Variants in ZNF182 observed in about 807,000 individuals in gnomAD.
The protein encoded by ZNF182 is zinc finger protein 182.
A neutral mutation model predicts 28.1 loss-of-function variants in ZNF182; 10 were observed. That is an observed-to-expected ratio of 0.36 (90% CI 0.22 to 0.60). The LOEUF is 0.60. Among genes scored for constraint, ZNF182 ranks in the 20% least tolerant of loss-of-function variants. The pLI, the probability that ZNF182 is intolerant of heterozygous loss-of-function variation, is 0.75. For synonymous variants in ZNF182, 156 were observed against 158.7 expected (o/e 0.98, Z 0.13); for missense variants, 352 against 453.2 (o/e 0.78, Z 2.03).
chrX:47,976,403 T>G lies in ZNF182; in HGVS notation c.1627A>C (p.Arg543=). 1 of 1,211,739 alleles carries G rather than the reference T, an allele frequency of 8.3e-7. No homozygotes were observed. The highest frequency in any genetic ancestry group is 1.1e-6 in the Non-Finnish European group (1 of 895,537). ...SQKSQLIIHQ[R]THTGEKPYAC... ...TAGGGTTTCTCTCCCGTGTGCGTTCTCTGATGTATTATGAGCTGTGACTTC... is the reference window on the plus strand; with the variant it reads ...TAGGGTTTCTCTCCCGTGTGCGTTCGCTGATGTATTATGAGCTGTGACTTC... Residue 543 remains arginine (R), a synonymous_variant, in exon 6 of 6, where the codon AGA becomes CGA. Coordinates refer to ENST00000376943, the MANE Select transcript of ZNF182 (RefSeq NM_001007088.2).
chrX:47,994,443 T>C (rs2058951414), intron 3 of ZNF182, among the ~76,000 whole-genome samples: 1 of 110,994 alleles, frequency 9.0e-6, no homozygotes, highest in African/African-American at 3.3e-5. Context: ...GATAAAAGAA[T>C]GAATCTCAAA....
chrX:47,981,035 A>T (rs2058903779), intron 5 of ZNF182, among the ~76,000 whole-genome samples: 2 of 112,115 alleles, frequency 1.8e-5, no homozygotes, highest in Admixed American at 1.9e-4. Flanking sequence ...TAAGATTCAT[A>T]AATTAAAAAC....
chrX:47,998,923 A>T (rs782478260), intron 3 of ZNF182, among the ~76,000 whole-genome samples: 52 of 111,257 alleles, frequency 4.7e-4, no homozygotes, highest in Non-Finnish European at 8.1e-4. Flanking sequence ...CATCCAAAGG[A>T]TCTGAAATTA....
chrX:47,981,899 C>CAA (rs781925569), intron 5 of ZNF182, among the ~76,000 whole-genome samples: 1,346 of 91,436 alleles, frequency 0.015, 28 homozygotes, highest in African/African-American at 0.046. Flanking sequence ...GACTCTGTCT[C>CAA]AAAAAAAAAA....
chrX:47,989,483 C>T (rs2058934310), intron 3 of ZNF182, among the ~76,000 whole-genome samples: 1 of 109,005 alleles, frequency 9.2e-6, no homozygotes, highest in South Asian at 3.8e-4. Context: ...TACAAGGATA[C>T]ATCACTTACA....
At chrX:47,998,079 T>TTC (rs1198210405) in intron 3 of ZNF182, among the ~76,000 whole-genome samples, 7 of 108,874 alleles carry the variant, frequency 6.4e-5, no homozygotes, top group African/African-American at 2.4e-4. Context: ...TTCTTTTCTT[T>TTC]TCTCTTTTTT....
intron 3 of ZNF182, chrX:47,988,439 CTATT>C (rs781866468): frequency 1.7e-4 from 58 of 349,508 alleles, no homozygotes; most frequent in African/African-American, 1.4e-3. Flanking sequence ...ACTTTTCACT[CTATT>C]TGTTCAGACG....
intron 3 of ZNF182, among the ~76,000 whole-genome samples, chrX:47,990,427 T>G (rs1448653143): frequency 9.0e-6 from 1 of 111,363 alleles, no homozygotes; most frequent in Non-Finnish European, 1.9e-5. Flanking sequence ...GTCATTATGC[T>G]ATTGTGTCTG....
At chrX:47,992,460 C>T (rs1348268145) in intron 3 of ZNF182, among the ~76,000 whole-genome samples, 3 of 110,779 alleles carry the variant, frequency 2.7e-5, no homozygotes, top group Non-Finnish European at 5.7e-5. Flanking sequence ...CCCCACACCC[C>T]ACATGGACTG....
At chrX:47,992,462 C>T (rs2058945259) in intron 3 of ZNF182, among the ~76,000 whole-genome samples, 1 of 110,777 alleles carries the variant, frequency 9.0e-6, no homozygotes, top group Non-Finnish European at 1.9e-5. Flanking sequence ...CCACACCCCA[C>T]ATGGACTGCA....
Position 47,983,415 on chromosome X carries a change from T to TA in ZNF182, c.16-5dup, listed in dbSNP as rs1556899395. On this transcript the variant is annotated splice_region_variant and splice_polypyrimidine_tract_variant and intron_variant, in intron 3 of 5. Coordinates refer to ENST00000376943, the MANE Select transcript of ZNF182 (RefSeq NM_001007088.2). ...CATCTTCAAATGTCACTAGCCCCTG[T>TA]AATGGTACATTCCTTTTATTTTAAA... 5.0e-6 allele frequency: 6 copies of TA among 1,197,192 alleles called. No individual in the cohort carries two copies. The Admixed American group carries it at 1.4e-4, about 28-fold the overall frequency.
At chrX:47,991,516 G>A (rs2146468071) in intron 3 of ZNF182, among the ~76,000 whole-genome samples, 1 of 112,473 alleles carries the variant, frequency 8.9e-6, no homozygotes, top group Admixed American at 9.4e-5. Context: ...ACCACACTGA[G>A]TGAAAACCAC....
chrX:47,998,751 C>T (rs896924986), intron 3 of ZNF182, among the ~76,000 whole-genome samples: 5 of 107,929 alleles, frequency 4.6e-5, no homozygotes, highest in Admixed American at 1.0e-4. Context: ...CCCAATTACT[C>T]GGGAGGCTGA....
intron 5 of ZNF182, among the ~76,000 whole-genome samples, chrX:47,982,709 A>G (rs1166213564): frequency 9.0e-6 from 1 of 111,254 alleles, no homozygotes; most frequent in Non-Finnish European, 1.9e-5. Flanking sequence ...TTCATACGGG[A>G]CAAAAGGAAC....
intron 3 of ZNF182, among the ~76,000 whole-genome samples, chrX:47,983,893 A>G (rs782072674): frequency 4.5e-5 from 5 of 112,035 alleles, no homozygotes; most frequent in Non-Finnish European, 9.4e-5. Context: ...AAATGTTTTC[A>G]TAAGCTTTGG....
At chrX:47,990,213 C>T (rs1219840789) in intron 3 of ZNF182, among the ~76,000 whole-genome samples, 1 of 111,204 alleles carries the variant, frequency 9.0e-6, no homozygotes, top group Admixed American at 9.5e-5. Flanking sequence ...GGCACCCTCC[C>T]CTAAATAATA....
intron 3 of ZNF182, among the ~76,000 whole-genome samples, chrX:47,991,243 G>A (rs2146467816): frequency 9.0e-6 from 1 of 111,183 alleles, no homozygotes; most frequent in African/African-American, 3.3e-5. Flanking sequence ...AAAGAAGATA[G>A]GCCATGTGAG....
chrX:48,001,880 T>G (rs1487615173), intron 3 of ZNF182, among the ~76,000 whole-genome samples: 1 of 111,117 alleles, frequency 9.0e-6, no homozygotes, highest in African/African-American at 3.3e-5. Flanking sequence ...ATTAACAGAG[T>G]AGCATGAAGG....
In ZNF182 at chrX:47,976,247, TA is replaced by T. The variant is rs782542603; in HGVS notation, c.1782del (p.Ile595LeufsTer38). ...CCTGCATGGGTTCGCTGATGTACAA[TA>T]AGGTTTGATTTTTGGGTAAAGGCTT... ...CGKAFTQKSN[L>X]IVHQRTHAGK... is the part of the protein sequence containing the mutation. On this transcript the variant is annotated frameshift_variant, in exon 6 of 6. Coordinates refer to ENST00000376943, the MANE Select transcript of ZNF182 (RefSeq NM_001007088.2). LOFTEE classifies it high-confidence loss of function. 12 of 1,198,292 alleles carry T rather than the reference TA, an allele frequency of 1.0e-5. No homozygotes were observed. Among genetic ancestry groups the T allele is most frequent in the Non-Finnish European group, 1.3e-5 (12 of 890,960 alleles).
Sources: gnomAD v4.1 joint callset for allele counts (sites outside exome capture counted in the v4.1 genomes callset) on GRCh38, gnomAD v4.1.1 for gene constraint, MANE v1.5 for transcripts, NCBI Gene and HGNC (gene_info 2026-07-23, HGNC 2026-07-21) for gene names.